The following CRYM variants were observed in gnomAD, a reference collection of about 807,000 sequenced individuals.
The protein encoded by CRYM is crystallin mu, also known as ketimine reductase mu-crystallin.
In CRYM, 18 loss-of-function variants were observed where a neutral mutation model predicts 32.9. The observed-to-expected ratio is 0.55, with a 90% CI of 0.38 to 0.81. The LOEUF (loss-of-function observed/expected upper bound fraction) is 0.81. CRYM is among the 30% of genes least tolerant of loss of function. The pLI is 0.00. For missense variants in CRYM, 337 were observed against 393.5 expected (o/e 0.86, Z 1.21); for synonymous variants, 153 against 152.4 (o/e 1.00, Z -0.03).
intron 1 of CRYM, chr16:21,301,362 A>G (rs226058): frequency 0.37 from 56,328 of 151,126 alleles, 11,349 homozygotes; most frequent in East Asian, 0.71. Context: ...GACTTGGGGC[A>G]TAGGGTAGGG....
Position 21,277,996 on chromosome 16 carries a change from T to C in CRYM, c.170+86A>G. The C allele has an allele frequency of 7.0e-7, 1 of 1,434,536 alleles. No homozygotes were observed. 88.9% of individuals were successfully genotyped at this position (1,434,536 alleles called of 1,614,324 possible). ...AGCAACGGTTAGGCAAGCCGTCTCT[T>C]CCCTTCTCCCACCCCTCCTCTTCCT... On this transcript the variant is annotated intron_variant, in intron 1 of 7. Coordinates refer to ENST00000572914, the MANE Select transcript of CRYM (RefSeq NM_001376256.1). The surrounding 1 kb of genome is among the most constrained non-coding windows in gnomAD (Gnocchi z 4.2).
intron 1 of CRYM, among the ~76,000 whole-genome samples, chr16:21,295,119 C>T (rs903340916): frequency 2.6e-5 from 4 of 152,120 alleles, no homozygotes; most frequent in Admixed American, 1.3e-4. Flanking sequence ...AATAGTGCTG[C>T]GATAAACATA....
At chr16:21,301,915 CCTT>C (rs750802855) in intron 1 of CRYM, among the ~76,000 whole-genome samples, 29 of 152,324 alleles carry the variant, frequency 1.9e-4, no homozygotes, top group East Asian at 3.9e-4. Flanking sequence ...CCTGGCGCGT[CCTT>C]CTTCTGCCGG....
At chr16:21,294,514 C>A (rs1960744634) in intron 1 of CRYM, among the ~76,000 whole-genome samples, 1 of 151,820 alleles carries the variant, frequency 6.6e-6, no homozygotes, top group African/African-American at 2.4e-5. Flanking sequence ...CCCGCCACCC[C>A]CTGACAGGTC....
intron 5 of CRYM, among the ~76,000 whole-genome samples, chr16:21,262,561 G>A (rs1419553128): frequency 6.6e-6 from 1 of 152,142 alleles, no homozygotes; most frequent in African/African-American, 2.4e-5. Flanking sequence ...GGAGGTTGCA[G>A]TGAGCCAAGA....
At chr16:21,292,404 C>T (rs1350308152) in intron 1 of CRYM, among the ~76,000 whole-genome samples, 2 of 152,002 alleles carry the variant, frequency 1.3e-5, no homozygotes, top group Non-Finnish European at 2.9e-5. Flanking sequence ...GAAAACATTG[C>T]TGAGAAAAAT....
chr16:21,301,679 C>T (rs1186273172), intron 1 of CRYM, among the ~76,000 whole-genome samples: 1 of 152,236 alleles, frequency 6.6e-6, no homozygotes, highest in African/African-American at 2.4e-5. Flanking sequence ...GCACCTCCTG[C>T]CTTCCGCACC....
intron 3 of CRYM, among the ~76,000 whole-genome samples, chr16:21,273,342 G>C (rs1007715649): frequency 2.0e-5 from 3 of 152,140 alleles, no homozygotes; most frequent in South Asian, 4.2e-4. Flanking sequence ...GTTCCTTATT[G>C]AAACAGTTCA....
At chr16:21,273,965 A>G (rs1464037700) in intron 3 of CRYM, among the ~76,000 whole-genome samples, 1 of 152,176 alleles carries the variant, frequency 6.6e-6, no homozygotes, top group Non-Finnish European at 1.5e-5. Context: ...CCCTTCGCAT[A>G]CAATTACCAG....
chr16:21,268,261 T>C (rs1422977835), intron 4 of CRYM, among the ~76,000 whole-genome samples: 1 of 152,244 alleles, frequency 6.6e-6, no homozygotes, highest in African/African-American at 2.4e-5. Flanking sequence ...AAGGATTATT[T>C]ATGATAATGT....
At chr16:21,261,951 C>T (rs2152861281) in intron 6 of CRYM, 86 bp downstream of exon 6, 3 of 1,586,562 alleles carry the variant, frequency 1.9e-6, no homozygotes, top group Non-Finnish European at 2.6e-6. Flanking sequence ...TGGAGCAGAC[C>T]AAACTGGAAG....
rs146675703 is a variant in CRYM at position 21,267,585 on chromosome 16, A to G, written c.642T>C (p.Gly214=). The change falls in exon 5 of 8, where the codon GGT becomes GGC. Residue 214 remains glycine, a synonymous_variant. Transcript: ENST00000572914. ...TGTGAGCCCCTGGCTTCACCCATTCACCAAACAAAATGGGCTCTGTTGCCA... is the reference window on the plus strand; with the variant it reads ...TGTGAGCCCCTGGCTTCACCCATTCGCCAAACAAAATGGGCTCTGTTGCCA... ...VTLATEPILF[G]EWVKPGAHIN... 3 of 1,613,870 alleles carry G rather than the reference A, an allele frequency of 1.9e-6. No homozygotes were observed. Among genetic ancestry groups the G allele is most frequent in the African/African-American group, 1.3e-5 (1 of 74,884 alleles).
intron 1 of CRYM, among the ~76,000 whole-genome samples, chr16:21,290,665 C>G (rs996420654): frequency 4.6e-5 from 7 of 152,172 alleles, no homozygotes; most frequent in Admixed American, 2.6e-4. Flanking sequence ...AGTGACAGTT[C>G]AGAGCCTTAC....
At position 21,277,515 on chromosome 16, in the gene CRYM, G is replaced by C; in HGVS notation, c.240C>G (p.Tyr80Ter). The change falls in exon 2 of 8, where the codon TAC (tyrosine) becomes TAG (stop). Residue 80 changes from tyrosine to a stop codon, truncating the protein, a stop_gained. Transcript: ENST00000572914. LOFTEE classifies it high-confidence loss of function. This position sits in a 1 kb window ranked among gnomAD's most constrained non-coding sequence, Gnocchi z 4.2. ...CGACCGAGGTGATGCCGCGGTCCTC[G>C]TAGAAGGTGACCAACTTGGTGGTCA... ...DALTTKLVTF[Y>*]EDRGITSVVP... is the part of the protein sequence containing the mutation. The C allele has an allele frequency of 6.2e-7, 1 of 1,613,928 alleles. No homozygotes were observed. The highest frequency in any genetic ancestry group is 8.5e-7 in the Non-Finnish European group (1 of 1,179,984).
upstream of CRYM, among the ~76,000 whole-genome samples, chr16:21,280,567 C>A (rs904471428): frequency 1.3e-5 from 2 of 152,068 alleles, no homozygotes; most frequent in Non-Finnish European, 2.9e-5. Context: ...AACTGAGCAG[C>A]CTTAATGTTA....
At chr16:21,267,467 A>G in intron 5 of CRYM, 87 bp downstream of exon 5, 1 of 1,377,640 alleles carries the variant, frequency 7.3e-7, no homozygotes, top group South Asian at 1.2e-5. Flanking sequence ...GCATGAATAA[A>G]CTGGCTCTGC....
At chr16:21,281,936 C>A (rs1462880794), upstream of CRYM, among the ~76,000 whole-genome samples, 4 of 152,116 alleles carry the variant, frequency 2.6e-5, no homozygotes, top group East Asian at 7.7e-4. Context: ...CTACCCCAAC[C>A]CTCCTCCTTC....
At chr16:21,289,925 C>G (rs954455225) in intron 1 of CRYM, among the ~76,000 whole-genome samples, 3 of 152,014 alleles carry the variant, frequency 2.0e-5, no homozygotes, top group Non-Finnish European at 4.4e-5. Flanking sequence ...ACACACCAAT[C>G]AGCACTCTGT....
chr16:21,282,642 T>C (rs1251151754), upstream of CRYM, among the ~76,000 whole-genome samples: 2 of 152,192 alleles, frequency 1.3e-5, no homozygotes, highest in African/African-American at 4.8e-5. Flanking sequence ...GTAATTTCAT[T>C]ATTTTAACAA....
Sources: allele counts gnomAD v4.1 joint callset (sites outside exome capture counted in the v4.1 genomes callset), GRCh38; gene constraint gnomAD v4.1.1; non-coding constraint Gnocchi (gnomAD v3.1); transcripts MANE v1.5; gene names NCBI Gene and HGNC (gene_info 2026-07-23, HGNC 2026-07-21).